The following PTPRF variants were observed in gnomAD, a reference collection of about 807,000 sequenced individuals.
PTPRF encodes the protein receptor-type tyrosine-protein phosphatase F.
PTPRF carries 59 observed loss-of-function variants against 201.8 expected under a neutral mutation model. That is an observed-to-expected ratio of 0.29 (90% CI 0.24 to 0.36). The LOEUF is 0.36. PTPRF is among the 10% of genes least tolerant of loss of function. The probability of loss-of-function intolerance (pLI) is 1.00; values close to 1 mark genes in which losing one functional copy is unlikely to be tolerated. For synonymous variants in PTPRF, 1,088 were observed against 1,089.7 expected, an observed-to-expected ratio of 1.00 and a Z score of 0.03; for missense variants, 2,132 against 2,690.5, an observed-to-expected ratio of 0.79 and a Z score of 4.59.
chr1:43,595,331 C>CA (rs202237655), intron 11 of PTPRF, among the ~76,000 whole-genome samples: 1,617 of 152,314 alleles, frequency 0.011, 15 homozygotes, highest in Non-Finnish European at 0.015. Context: ...TCTCCTGCCT[C>CA]AGCCTCCCGA....
chr1:43,605,076 A>C lies in PTPRF; in HGVS notation c.3135+76A>C, dbSNP rs1654743517. 4 of 1,584,250 alleles carry C rather than the reference A, an allele frequency of 2.5e-6. No homozygotes were observed. The South Asian group carries it at 4.5e-5, about 18-fold the overall frequency. On this transcript the variant is annotated intron_variant, in intron 17 of 33. Coordinates refer to ENST00000359947, the MANE Select transcript of PTPRF (RefSeq NM_002840.5). ...GGTGCTGTCTTTCCAGTCCTAACCC[A>C]TGTGCATCCGGCTGTGGAGCAGGAA...
rs183005206 is a variant in PTPRF, at chr1:43,620,423, T to A, written c.5239-31T>A. Reference sequence around the variant, plus strand: ...CACCCCTCCCCTATTCCTTCTCACCTGATTATGGGGGCCCGACCCTCTGTC... The same window carrying A: ...CACCCCTCCCCTATTCCTTCTCACCAGATTATGGGGGCCCGACCCTCTGTC... On this transcript the variant is annotated intron_variant, in intron 30 of 33. Transcript: ENST00000359947. 1.4e-3 allele frequency: 2,257 copies of A among 1,590,922 alleles called. 1 individual carries two copies. Among genetic ancestry groups the A allele is most frequent in the Non-Finnish European group, 1.5e-3 (1,739 of 1,163,310 alleles).
At chr1:43,605,055 C>A in intron 17 of PTPRF, 55 bp downstream of exon 17, 1 of 1,594,802 alleles carries the variant, frequency 6.3e-7, no homozygotes. Context: ...CTGCTGGGTG[C>A]TGTCTTTCCA....
chr1:43,620,362 CCTGAGGCAT>C, intron 30 of PTPRF, 83 bp from the exon 31 acceptor site: 1 of 1,521,950 alleles, frequency 6.6e-7, no homozygotes, highest in East Asian at 2.3e-5. Flanking sequence ...GTTATTACTA[CCTGAGGCAT>C]CTGTCCCAGA....
intron 6 of PTPRF, among the ~76,000 whole-genome samples, chr1:43,573,057 G>A (rs1344920594): frequency 1.3e-5 from 2 of 152,196 alleles, no homozygotes; most frequent in Non-Finnish European, 2.9e-5. Flanking sequence ...GAGCTGGACA[G>A]GAGGTAGCTG....
At chr1:43,566,493 G>A (rs1423367176) in intron 5 of PTPRF, among the ~76,000 whole-genome samples, 1 of 152,232 alleles carries the variant, frequency 6.6e-6, no homozygotes, top group Non-Finnish European at 1.5e-5. Flanking sequence ...CTCAGCCTGA[G>A]TGTTGAGGCT....
intron 6 of PTPRF, among the ~76,000 whole-genome samples, chr1:43,569,984 T>C (rs1328784667): frequency 1.3e-5 from 2 of 152,160 alleles, no homozygotes; most frequent in African/African-American, 2.4e-5. Context: ...CTTCGGATTG[T>C]CAGACTCCAG....
intron 6 of PTPRF, chr1:43,575,966 T>C: frequency 7.3e-7 from 1 of 1,363,240 alleles, no homozygotes. Flanking sequence ...CACCACGCCT[T>C]GCCACTGCCG....
In PTPRF at chr1:43,603,542, G is replaced by A. The variant is rs373480399; in HGVS notation, c.2458+9G>A. Reference sequence around the variant, plus strand: ...CACTACAACAGGTGCAGGTGAGTGAGGGGTCAGGACGGACCTGAGGGTGGG... The same window carrying A: ...CACTACAACAGGTGCAGGTGAGTGAAGGGTCAGGACGGACCTGAGGGTGGG... On this transcript the variant is annotated intron_variant, in intron 15 of 33. Transcript: ENST00000359947. The surrounding 1 kb of genome is among the most constrained non-coding windows in gnomAD (Gnocchi z 5.8). 1 of 1,613,694 alleles carries A rather than the reference G, an allele frequency of 6.2e-7. No homozygotes were observed. Among genetic ancestry groups the A allele is most frequent in the Non-Finnish European group, 8.5e-7 (1 of 1,179,708 alleles).
At position 43,553,859 on chromosome 1, in the gene PTPRF, G is replaced by A; in HGVS notation, c.297G>A (p.Gln99=). ...TTCGGATCCAGCCATTGCGGGTGCA[G>A]CGAGATGAAGCCATCTATGAGTGTA... is the stretch of plus-strand genomic sequence containing the variant. ...SVLRIQPLRV[Q]RDEAIYECTA... The change falls in exon 5 of 34, where the codon CAG becomes CAA. Residue 99 remains glutamine, a synonymous_variant. Coordinates refer to ENST00000359947, the MANE Select transcript of PTPRF (RefSeq NM_002840.5). This position sits in a 1 kb window ranked among gnomAD's most constrained non-coding sequence, Gnocchi z 4.1. 6.2e-7 allele frequency: 1 copy of A among 1,614,228 alleles called. No individual in the cohort carries two copies. The highest frequency in any genetic ancestry group is 1.1e-5 in the South Asian group (1 of 91,084).
At chr1:43,576,199 C>G (rs993106933) in intron 6 of PTPRF, among the ~76,000 whole-genome samples, 2 of 152,258 alleles carry the variant, frequency 1.3e-5, no homozygotes, top group African/African-American at 4.8e-5. Flanking sequence ...GCCTTCCAGG[C>G]CATCCCCACA....
At chr1:43,575,994 C>A in intron 6 of PTPRF, 1 of 1,335,634 alleles carries the variant, frequency 7.5e-7, no homozygotes, top group East Asian at 4.7e-5. Context: ...CACTCCATCC[C>A]GTCCAGTCTG....
intron 22 of PTPRF, among the ~76,000 whole-genome samples, chr1:43,610,060 A>G (rs1482436393): frequency 2.0e-5 from 3 of 152,176 alleles, no homozygotes; most frequent in Admixed American, 1.3e-4. Flanking sequence ...GACACAGCTC[A>G]GACCTCTCCT....
upstream of PTPRF, among the ~76,000 whole-genome samples, chr1:43,525,590 G>T (rs1643074321): frequency 6.6e-6 from 1 of 151,920 alleles, no homozygotes; most frequent in Non-Finnish European, 1.5e-5. Flanking sequence ...ATTACTTGAG[G>T]TCAGGAGTTC....
At position 43,554,641 on chromosome 1, in the gene PTPRF, A is replaced by G. The variant is rs1645232960; in HGVS notation, c.379+700A>G. On this transcript the variant is annotated intron_variant, in intron 5 of 33. Transcript: ENST00000359947. This position sits in a 1 kb window ranked among gnomAD's most constrained non-coding sequence, Gnocchi z 4.1. Reference sequence around the variant, plus strand: ...CTAGAGAGCACAGGAAGAAGGAGAAAGCAATTCAGCATGAGTCTGGAGAGG... The same window carrying G: ...CTAGAGAGCACAGGAAGAAGGAGAAGGCAATTCAGCATGAGTCTGGAGAGG... Among the ~76,000 whole-genome samples, 1 of 152,148 alleles carries G rather than the reference A, an allele frequency of 6.6e-6. No individual in the cohort carries two copies. Among genetic ancestry groups the G allele is most frequent in the Non-Finnish European group, 1.5e-5 (1 of 67,994 alleles).
At chr1:43,621,282 G>A (rs1659157224) in intron 33 of PTPRF, 50 bp downstream of exon 33, 1 of 1,599,162 alleles carries the variant, frequency 6.3e-7, no homozygotes, top group African/African-American at 1.3e-5. Context: ...AGCGCTGCTG[G>A]GAACCCTAGG....
chr1:43,534,600 A>G (rs1357696801), intron 1 of PTPRF, among the ~76,000 whole-genome samples: 1 of 151,958 alleles, frequency 6.6e-6, no homozygotes, highest in African/African-American at 2.4e-5. Context: ...CTTGGTGAGG[A>G]GGGGCAGAGA....
chr1:43,551,697 G>A (rs1351041291), intron 3 of PTPRF, among the ~76,000 whole-genome samples: 1 of 152,180 alleles, frequency 6.6e-6, no homozygotes, highest in Non-Finnish European at 1.5e-5. Flanking sequence ...CTTAAATGGG[G>A]ATAATAATAC....
At chr1:43,590,870 C>A in intron 8 of PTPRF, 102 bp from the exon 9 acceptor site, 1 of 1,123,782 alleles carries the variant, frequency 8.9e-7, no homozygotes, top group Non-Finnish European at 1.3e-6. Context: ...ATCAGCCACA[C>A]TCAGGTGACC....
Sources: allele counts gnomAD v4.1 joint callset (sites outside exome capture counted in the v4.1 genomes callset), GRCh38; gene constraint gnomAD v4.1.1; non-coding constraint Gnocchi (gnomAD v3.1); transcripts MANE v1.5; gene names NCBI Gene and HGNC (gene_info 2026-07-23, HGNC 2026-07-21).